ILDR2: variants seen among roughly 807,000 people sequenced by gnomAD.
ILDR2 encodes the protein immunoglobulin-like domain-containing receptor 2.
In ILDR2, 25 loss-of-function variants were observed where a neutral mutation model predicts 66.8. The ratio of observed to expected loss-of-function variants is 0.37; its 90% CI spans 0.27 to 0.52. The LOEUF is 0.52. ILDR2 is among the 20% of genes least tolerant of loss of function. The probability of loss-of-function intolerance (pLI) is 0.88; values close to 1 mark genes in which losing one functional copy is unlikely to be tolerated. For missense variants in ILDR2, 827 were observed against 876.8 expected (o/e 0.94, Z 0.72); for synonymous variants, 367 against 357.2 (o/e 1.03, Z -0.31).
chr1:166,967,771 A>G (rs1016468345), intron 1 of ILDR2, among the ~76,000 whole-genome samples: 2 of 152,098 alleles, frequency 1.3e-5, no homozygotes, highest in African/African-American at 4.8e-5. Context: ...AAAACAAAAC[A>G]AAACACATTT....
intron 7 of ILDR2, among the ~76,000 whole-genome samples, chr1:166,926,215 T>TA (rs1316040947): frequency 1.3e-5 from 2 of 152,082 alleles, no homozygotes; most frequent in Non-Finnish European, 2.9e-5. Context: ...AGAGACAGCA[T>TA]AATGACCTCA....
intron 3 of ILDR2, among the ~76,000 whole-genome samples, chr1:166,943,319 C>T (rs1392780889): frequency 6.6e-6 from 1 of 151,864 alleles, no homozygotes; most frequent in Non-Finnish European, 1.5e-5. Flanking sequence ...AGTGAAACCC[C>T]GTCTCTACTA....
chr1:166,921,173 G>T lies in ILDR2; in HGVS notation c.1418C>A (p.Ser473Tyr), dbSNP rs1429222508. 14 of 1,558,186 alleles carry T rather than the reference G, an allele frequency of 9.0e-6. No individual in the cohort carries two copies. The highest frequency in any genetic ancestry group is 1.4e-5 in the African/African-American group (1 of 73,998). Reference protein sequence around the residue: ...RAHSGFYQDDSLEEYYGQRSR... With the variant: ...RAHSGFYQDDYLEEYYGQRSR... ...GCGCTGACCGTAGTACTCCTCCAAG[G>T]AGTCGTCCTGGTAGAAGCCGCTGTG... The change falls in exon 9 of 10, where the codon TCC (serine) becomes TAC (tyrosine). Residue 473 changes from serine (S) to tyrosine (Y), a missense_variant. Transcript: ENST00000271417. This position sits in a 1 kb window ranked among gnomAD's most constrained non-coding sequence, Gnocchi z 5.3.
rs762808738 is a variant in ILDR2, at chr1:166,921,237, G to T, written c.1354C>A (p.Arg452=). The T allele has an allele frequency of 6.3e-7, 1 of 1,595,450 alleles. No homozygotes were observed. The highest frequency in any genetic ancestry group is 1.7e-5 in the Admixed American group (1 of 59,088). ...GAGCGCTCGAAGCGGCTCCCGCCCC[G>T]CGCCTCGTGACTGTTGCCGTCTGCC... is the stretch of plus-strand genomic sequence containing the variant. ...RRADGNSHEA[R]GGSRFERSES... The change falls in exon 9 of 10, where the codon CGG becomes AGG. Residue 452 remains arginine (R), a synonymous_variant. Coordinates refer to ENST00000271417, the MANE Select transcript of ILDR2 (RefSeq NM_199351.3). This position sits in a 1 kb window ranked among gnomAD's most constrained non-coding sequence, Gnocchi z 5.3.
At position 166,936,625 on chromosome 1, in the gene ILDR2, T is replaced by C. The variant is rs1470080197; in HGVS notation, c.669A>G (p.Pro223=). 1.2e-6 allele frequency: 2 copies of C among 1,613,982 alleles called. No individual in the cohort carries two copies. The highest frequency in any genetic ancestry group is 2.7e-5 in the African/African-American group (2 of 74,986). ...GGCAGCAGCAGGAATCTGGGCAGCA[T>C]GGGCAGCGGACATAGCAGCAGCAGC... The part of the protein sequence containing the change: ...PHSCCCYVRC[P]CCPDSCCCPQ... The change falls in exon 5 of 10, where the codon CCA becomes CCG. Residue 223 remains proline, a synonymous_variant. Coordinates refer to ENST00000271417, the MANE Select transcript of ILDR2 (RefSeq NM_199351.3). The surrounding 1 kb of genome is among the most constrained non-coding windows in gnomAD (Gnocchi z 5.0).
In ILDR2 at chr1:166,912,037, C is replaced by T. The variant is rs1659485699; in HGVS notation, c.*7318G>A. 6.6e-6 allele frequency: 1 copy of T among 152,018 alleles called. No homozygotes were observed. The highest frequency in any genetic ancestry group is 2.4e-5 in the African/African-American group (1 of 41,400). 9.4% of individuals were successfully genotyped at this position (152,018 alleles called of 1,614,324 possible). ...ACGGATTTAGGAAACACCACAAATC[C>T]TAATTTGGATAAATAAAAAGAAATC... On this transcript the variant is annotated 3_prime_UTR_variant, in exon 10 of 10. Transcript: ENST00000271417.
At chr1:166,927,472 C>T (rs1034777804) in intron 6 of ILDR2, among the ~76,000 whole-genome samples, 1 of 152,250 alleles carries the variant, frequency 6.6e-6, no homozygotes, top group African/African-American at 2.4e-5. Flanking sequence ...TACAGCTCCA[C>T]TTAGTGCTCA....
downstream of ILDR2, among the ~76,000 whole-genome samples, chr1:166,904,947 A>C (rs2101814392): frequency 6.6e-6 from 1 of 152,288 alleles, no homozygotes; most frequent in East Asian, 1.9e-4. Context: ...CCTCAAAAAA[A>C]CTGCAAAAGA....
chr1:166,947,901 G>A (rs554287193), intron 3 of ILDR2, among the ~76,000 whole-genome samples: 3 of 152,306 alleles, frequency 2.0e-5, no homozygotes, highest in Non-Finnish European at 2.9e-5. Flanking sequence ...GTGGCTGGGG[G>A]CTTAGGGAAG....
At chr1:166,974,365 A>G (rs1663472487) in intron 1 of ILDR2, among the ~76,000 whole-genome samples, 1 of 152,076 alleles carries the variant, frequency 6.6e-6, no homozygotes, top group South Asian at 2.1e-4. Context: ...CTGTATCCCT[A>G]TGGGAATCGG....
intron 1 of ILDR2, among the ~76,000 whole-genome samples, chr1:166,972,783 A>G (rs1379197991): frequency 6.6e-6 from 1 of 152,050 alleles, no homozygotes; most frequent in Non-Finnish European, 1.5e-5. Context: ...AGGAAGAATG[A>G]ATGTGGTTTT....
In ILDR2 at chr1:166,910,512, T is replaced by C. The variant is rs1178720087; in HGVS notation, c.*8843A>G. ...TTAAGTAATGTGAGGCACACCTCCA[T>C]CCAATACTGGAAGGTTAGCAATAGA... On this transcript the variant is annotated 3_prime_UTR_variant, in exon 10 of 10. Coordinates refer to ENST00000271417, the MANE Select transcript of ILDR2 (RefSeq NM_199351.3). 6.6e-6 allele frequency: 1 copy of C among 152,228 alleles called. No homozygotes were observed. The highest frequency in any genetic ancestry group is 1.5e-5 in the Non-Finnish European group (1 of 68,036). The allele number at this position is 152,228 out of a possible 1,614,324, so 9.4% of individuals were successfully genotyped here. A position where few individuals can be genotyped will look rare whatever the true frequency, so the allele number is the denominator to read the frequency against.
chr1:166,898,917 G>C (rs113340759), intron 2 of ILDR2, among the ~76,000 whole-genome samples: 1 of 151,688 alleles, frequency 6.6e-6, no homozygotes, highest in Non-Finnish European at 1.5e-5. Flanking sequence ...GAAATTAGCC[G>C]GACATGGTGG....
chr1:166,932,538 G>A (rs772385182), intron 6 of ILDR2, among the ~76,000 whole-genome samples: 9 of 152,160 alleles, frequency 5.9e-5, no homozygotes, highest in South Asian at 2.1e-4. Flanking sequence ...GGAACAGGGC[G>A]GAGTGTGGGT....
intron 1 of ILDR2, among the ~76,000 whole-genome samples, chr1:166,963,627 T>C (rs1396401109): frequency 1.3e-5 from 2 of 152,202 alleles, no homozygotes; most frequent in African/African-American, 4.8e-5. Flanking sequence ...AGTTCCTGCT[T>C]TAAGGCCTCC....
In ILDR2 at chr1:166,967,858, C is replaced by A. The variant is rs72689314; in HGVS notation, c.46+7365G>T. ...CCAGAAACTTGGAGGCACTTTGACA[C>A]TCTCTCCCCTTCAACCACCACATCC... is the stretch of plus-strand genomic sequence containing the variant. On this transcript the variant is annotated intron_variant, in intron 1 of 9. Transcript: ENST00000271417. Among the ~76,000 whole-genome samples, 1,439 of 152,312 alleles carry A rather than the reference C, an allele frequency of 9.4e-3. 11 individuals are homozygous for A. The highest frequency in any genetic ancestry group is 0.014 in the Admixed American group (210 of 15,294).
intron 2 of ILDR2, among the ~76,000 whole-genome samples, chr1:166,899,417 G>T (rs77330326): frequency 0.033 from 4,927 of 151,334 alleles, 134 homozygotes; most frequent in South Asian, 0.096. Flanking sequence ...GAAAAGAAAA[G>T]AAAAAGAAAA....
At chr1:166,927,299 C>A in intron 6 of ILDR2, 119 bp from the exon 7 acceptor site, 1 of 666,186 alleles carries the variant, frequency 1.5e-6, no homozygotes, top group East Asian at 2.6e-5. Flanking sequence ...TTTTTGAAAT[C>A]ACCCAGAAAT....
At chr1:166,932,965 ACACTAT>A (rs1284861931) in intron 6 of ILDR2, among the ~76,000 whole-genome samples, 1 of 152,218 alleles carries the variant, frequency 6.6e-6, no homozygotes, top group Non-Finnish European at 1.5e-5. Context: ...GACTAGCCAA[ACACTAT>A]CACTAACACT....
Sources: allele counts gnomAD v4.1 joint callset (sites outside exome capture counted in the v4.1 genomes callset), GRCh38; gene constraint gnomAD v4.1.1; non-coding constraint Gnocchi (gnomAD v3.1); transcripts MANE v1.5; gene names NCBI Gene and HGNC (gene_info 2026-07-23, HGNC 2026-07-21).